The following ZNF704 variants were observed in gnomAD, a reference collection of about 807,000 sequenced individuals.
ZNF704 encodes glucocorticoid induced gene 1.
ZNF704 carries 10 observed loss-of-function variants against 44.7 expected under a neutral mutation model. That is an observed-to-expected ratio of 0.22 (90% CI 0.14 to 0.38). The LOEUF (loss-of-function observed/expected upper bound fraction) is 0.38. ZNF704 is among the 10% of genes least tolerant of loss of function. The pLI, the probability that ZNF704 is intolerant of heterozygous loss-of-function variation, is 1.00. For synonymous variants in ZNF704, 211 were observed against 207.6 expected, an observed-to-expected ratio of 1.02 and a Z score of -0.14; for missense variants, 390 against 545.5, an observed-to-expected ratio of 0.71 and a Z score of 2.84.
intron 2 of ZNF704, among the ~76,000 whole-genome samples, chr8:80,698,596 A>G (rs1412994798): frequency 6.6e-6 from 1 of 152,144 alleles, no homozygotes; most frequent in Non-Finnish European, 1.5e-5. Context: ...TAGCTTTTCA[A>G]AAAGCTCATT....
intron 3 of ZNF704, among the ~76,000 whole-genome samples, chr8:80,691,963 T>G (rs1818645032): frequency 6.6e-6 from 1 of 152,216 alleles, no homozygotes; most frequent in Non-Finnish European, 1.5e-5. Context: ...CTCTTGATTC[T>G]GCATTCTTCA....
chr8:80,727,988 G>T (rs1326415494), intron 2 of ZNF704, among the ~76,000 whole-genome samples: 2 of 151,840 alleles, frequency 1.3e-5, no homozygotes, highest in African/African-American at 4.8e-5. Flanking sequence ...TCAAAAATAG[G>T]GTCCAATTAC....
At chr8:80,873,955 G>A (rs1476611227) in intron 1 of ZNF704, among the ~76,000 whole-genome samples, 1 of 146,656 alleles carries the variant, frequency 6.8e-6, no homozygotes, top group Admixed American at 6.8e-5. Flanking sequence ...CTTCCTTGGC[G>A]GGCGCGGGCG....
intron 1 of ZNF704, among the ~76,000 whole-genome samples, chr8:80,851,353 A>T (rs1437049188): frequency 6.6e-6 from 1 of 152,220 alleles, no homozygotes; most frequent in African/African-American, 2.4e-5. Flanking sequence ...TGGATTAAGA[A>T]AATGTGGCAC....
chr8:80,736,417 T>C (rs569910331), intron 2 of ZNF704, among the ~76,000 whole-genome samples: 16 of 152,274 alleles, frequency 1.1e-4, no homozygotes, highest in African/African-American at 3.8e-4. Context: ...GTAGCTGGGA[T>C]TACAGGCACG....
intron 1 of ZNF704, among the ~76,000 whole-genome samples, chr8:80,826,909 T>C (rs535085305): frequency 5.9e-5 from 9 of 152,306 alleles, no homozygotes; most frequent in African/African-American, 1.9e-4. Context: ...AAATTAGGTA[T>C]TGATGGGACA....
intron 7 of ZNF704, chr8:80,645,242 A>C: frequency 1.4e-6 from 2 of 1,439,910 alleles, no homozygotes; most frequent in Non-Finnish European, 1.9e-6. Flanking sequence ...TCAACTAATT[A>C]ATCAGTATTG....
intron 2 of ZNF704, among the ~76,000 whole-genome samples, chr8:80,770,893 G>T (rs1291741763): frequency 6.6e-6 from 1 of 151,978 alleles, no homozygotes; most frequent in Non-Finnish European, 1.5e-5. Flanking sequence ...CTTAGATCAG[G>T]GTTTTATTTC....
intron 4 of ZNF704, among the ~76,000 whole-genome samples, chr8:80,674,130 G>A (rs1818322989): frequency 6.6e-6 from 1 of 152,216 alleles, no homozygotes; most frequent in South Asian, 2.1e-4. Context: ...TTATGAGCCT[G>A]TATTTATTCC....
At chr8:80,736,940 T>C (rs1806677476) in intron 2 of ZNF704, among the ~76,000 whole-genome samples, 1 of 152,120 alleles carries the variant, frequency 6.6e-6, no homozygotes, top group Non-Finnish European at 1.5e-5. Context: ...CTGGTGTTTT[T>C]TTTTTTAAAA....
At chr8:80,662,025 C>T (rs1327341844) in intron 6 of ZNF704, among the ~76,000 whole-genome samples, 2 of 152,064 alleles carry the variant, frequency 1.3e-5, no homozygotes, top group Admixed American at 6.6e-5. Flanking sequence ...GTTACACATC[C>T]TATGCATATA....
At chr8:80,801,218 T>G (rs935280346) in intron 2 of ZNF704, among the ~76,000 whole-genome samples, 1 of 152,122 alleles carries the variant, frequency 6.6e-6, no homozygotes, top group Non-Finnish European at 1.5e-5. Context: ...AAAATAATAG[T>G]GAGAGACTTT....
chr8:80,769,449 T>C (rs1807282339), intron 2 of ZNF704, among the ~76,000 whole-genome samples: 1 of 152,088 alleles, frequency 6.6e-6, no homozygotes, highest in Admixed American at 6.6e-5. Flanking sequence ...TTTATTGGAC[T>C]TACAGTTCCA....
chr8:80,725,083 A>G (rs1806454710), intron 2 of ZNF704, among the ~76,000 whole-genome samples: 1 of 152,240 alleles, frequency 6.6e-6, no homozygotes, highest in Admixed American at 6.5e-5. Flanking sequence ...AGAATAAGAC[A>G]TAGTGTTTGT....
chr8:80,773,348 C>T (rs1239389101), intron 2 of ZNF704, among the ~76,000 whole-genome samples: 1 of 152,146 alleles, frequency 6.6e-6, no homozygotes, highest in Non-Finnish European at 1.5e-5. Flanking sequence ...TTGTCACAGT[C>T]TACTGGTGTC....
At chr8:80,806,624 A>C (rs1807995034) in intron 2 of ZNF704, among the ~76,000 whole-genome samples, 2 of 152,184 alleles carry the variant, frequency 1.3e-5, no homozygotes, top group Admixed American at 6.5e-5. Flanking sequence ...TTCTTGGAAA[A>C]AGGTTCCTTT....
intron 1 of ZNF704, among the ~76,000 whole-genome samples, chr8:80,871,785 A>C (rs929127124): frequency 6.6e-6 from 1 of 152,252 alleles, no homozygotes; most frequent in African/African-American, 2.4e-5. Context: ...ATCTCTTCAG[A>C]TACAGTGTCT....
chr8:80,838,309 A>G (rs1165329405), intron 1 of ZNF704, among the ~76,000 whole-genome samples: 2 of 152,234 alleles, frequency 1.3e-5, no homozygotes, highest in African/African-American at 4.8e-5. Flanking sequence ...GGCAAGTTGG[A>G]GAATATACTT....
At chr8:80,730,470 C>T (rs915917217) in intron 2 of ZNF704, among the ~76,000 whole-genome samples, 8 of 129,288 alleles carry the variant, frequency 6.2e-5, no homozygotes, top group African/African-American at 1.7e-4. Flanking sequence ...ACCCAGGAGG[C>T]GGAGGTTGCA....
Sources: gnomAD v4.1 joint callset for allele counts (sites outside exome capture counted in the v4.1 genomes callset) on GRCh38, gnomAD v4.1.1 for gene constraint, MANE v1.5 for transcripts, NCBI Gene and HGNC (gene_info 2026-07-23, HGNC 2026-07-21) for gene names.